RGS13: variants seen among roughly 807,000 people sequenced by gnomAD.
RGS13 encodes the protein regulator of G-protein signalling 13.
Under a neutral mutation model 19.9 loss-of-function variants are expected in RGS13, and 14 were observed. The ratio of observed to expected loss-of-function variants is 0.70; its 90% CI spans 0.46 to 1.10. RGS13 has a LOEUF of 1.10. Ranked by LOEUF, RGS13 falls within the 50% of genes least tolerant of loss-of-function variation. The pLI is 0.00. For missense variants in RGS13, 205 were observed against 187.1 expected, an observed-to-expected ratio of 1.10 and a Z score of -0.56; for synonymous variants, 60 against 56.8, an observed-to-expected ratio of 1.06 and a Z score of -0.25.
At chr1:192,653,292 C>T (rs192767682) in intron 5 of RGS13, among the ~76,000 whole-genome samples, 1 of 152,150 alleles carries the variant, frequency 6.6e-6, no homozygotes, top group East Asian at 1.9e-4. Context: ...TTTAAAAATA[C>T]ATATTTAAAC....
At chr1:192,641,419 G>C (rs556939810) in intron 3 of RGS13, among the ~76,000 whole-genome samples, 1 of 151,822 alleles carries the variant, frequency 6.6e-6, no homozygotes, top group African/African-American at 2.4e-5. Flanking sequence ...GAGAGGGAAG[G>C]AGGGCAAACA....
At chr1:192,652,047 G>A (rs777323527) in intron 5 of RGS13, among the ~76,000 whole-genome samples, 8 of 152,050 alleles carry the variant, frequency 5.3e-5, no homozygotes, top group African/African-American at 9.6e-5. Context: ...AAGCCATTCC[G>A]GATAAGCAAG....
At position 192,659,355 on chromosome 1, in the gene RGS13, G is replaced by C. The variant is rs149936703; in HGVS notation, c.312G>C (p.Ser104=). Residue 104 remains serine (S), a synonymous_variant, in exon 7 of 7, where the codon TCG becomes TCC. Transcript: ENST00000391995. ...QSPREINIDS[S]TRETIIRNIQ... is the part of the protein sequence containing the mutation. ...CTTTTCAGATTAACATTGACAGTTCGACAAGAGAGACTATCATCAGGAACA... is the reference window on the plus strand; with the variant it reads ...CTTTTCAGATTAACATTGACAGTTCCACAAGAGAGACTATCATCAGGAACA... 1.1e-5 allele frequency: 18 copies of C among 1,610,956 alleles called. No homozygotes were observed. Among genetic ancestry groups the C allele is most frequent in the Non-Finnish European group, 1.4e-5 (17 of 1,178,834 alleles).
chr1:192,651,002 A>G (rs774152699), intron 5 of RGS13, among the ~76,000 whole-genome samples: 5 of 152,056 alleles, frequency 3.3e-5, no homozygotes, highest in African/African-American at 7.2e-5. Flanking sequence ...ATGCTAACAA[A>G]AGTCACAGGG....
intron 3 of RGS13, among the ~76,000 whole-genome samples, chr1:192,641,240 GAAAGA>G (rs201968246): frequency 0.029 from 2,583 of 90,274 alleles, 63 homozygotes; most frequent in East Asian, 0.039. Context: ...AAGAAAGAAA[GAAAGA>G]AAAGAAAGAA....
chr1:192,641,349 A>AAG lies in RGS13; in HGVS notation c.-4-2971_-4-2970dup, dbSNP rs763600403. 1.4e-4 allele frequency among the ~76,000 whole-genome samples: 21 copies of AAG among 151,010 alleles called. 1 individual carries two copies. The South Asian group carries it at 1.9e-3, about 14-fold the overall frequency. The stretch of plus-strand genomic sequence containing the variant: ...GAGGGAGGAAGGAAGGAGAGAAAGA[A>AAG]AGAGAGAGAGAGGGGAAAAGGGAGG... On this transcript the variant is annotated intron_variant, in intron 3 of 6. Transcript: ENST00000391995.
At chr1:192,659,296 A>G in intron 6 of RGS13, 42 bp from the exon 7 acceptor site, 2 of 1,490,368 alleles carry the variant, frequency 1.3e-6, no homozygotes, top group South Asian at 2.5e-5. Flanking sequence ...CTTTTTTTCA[A>G]CTATGCTAAC....
chr1:192,659,905 C>A lies in RGS13; in HGVS notation c.*382C>A, dbSNP rs899268970. On this transcript the variant is annotated 3_prime_UTR_variant, in exon 7 of 7. Transcript: ENST00000391995. ...GTTGTTATATGAATTGTGTTTCTAGCATGAATGTTCTATAGAGTACTCTAA... is the reference window on the plus strand; with the variant it reads ...GTTGTTATATGAATTGTGTTTCTAGAATGAATGTTCTATAGAGTACTCTAA... 3.9e-5 allele frequency: 7 copies of A among 179,756 alleles called. No homozygotes were observed. Among genetic ancestry groups the A allele is most frequent in the Non-Finnish European group, 3.4e-5 (3 of 87,294 alleles). 11.1% of individuals were successfully genotyped at this position (179,756 alleles called of 1,614,324 possible). A position where few individuals can be genotyped will look rare whatever the true frequency, so the allele number is the denominator to read the frequency against.
At chr1:192,645,986 A>T (rs929411239) in intron 4 of RGS13, 2 of 152,154 alleles carry the variant, frequency 1.3e-5, no homozygotes, top group African/African-American at 2.4e-5. Context: ...TAGAACGGAC[A>T]GGCATTCAAT....
rs201446995 is a variant in RGS13, at chr1:192,648,008, A to C, written c.127+21A>C. 5.8e-4 allele frequency: 892 copies of C among 1,536,168 alleles called. 2 individuals carry two copies. The highest frequency in any genetic ancestry group is 7.4e-4 in the Non-Finnish European group (827 of 1,120,704). On this transcript the variant is annotated intron_variant, in intron 5 of 6. Transcript: ENST00000391995. The stretch of plus-strand genomic sequence containing the variant: ...AAAATGTGAGTATTGCGTATCTGTC[A>C]TCTTTGAATAACTAGCGAGTTCCAT...
chr1:192,651,353 A>G (rs4658067), intron 5 of RGS13, among the ~76,000 whole-genome samples: 12,410 of 152,152 alleles, frequency 0.082, 1,020 homozygotes, highest in African/African-American at 0.2. Context: ...CAGAGGAAGC[A>G]ATACACAGCA....
chr1:192,643,305 CT>C (rs1399517806), intron 3 of RGS13, among the ~76,000 whole-genome samples: 1 of 152,142 alleles, frequency 6.6e-6, no homozygotes, highest in African/African-American at 2.4e-5. Flanking sequence ...TAAAAATTCA[CT>C]GTTTATCCTT....
intron 3 of RGS13, among the ~76,000 whole-genome samples, chr1:192,638,739 G>T (rs1353668550): frequency 6.6e-6 from 1 of 151,726 alleles, no homozygotes; most frequent in East Asian, 1.9e-4. Flanking sequence ...CAACTCTTAG[G>T]GTCTATTTAT....
intron 5 of RGS13, 126 bp downstream of exon 5, chr1:192,648,113 G>C: frequency 1.9e-6 from 1 of 525,260 alleles, no homozygotes; most frequent in Non-Finnish European, 3.3e-6. Context: ...AACTGACACA[G>C]TTAAAAAAAG....
chr1:192,643,132 G>A (rs2102030489), intron 3 of RGS13, among the ~76,000 whole-genome samples: 1 of 152,182 alleles, frequency 6.6e-6, no homozygotes, highest in South Asian at 2.1e-4. Context: ...AAATTGCTGA[G>A]ATTACAGGTA....
At chr1:192,641,302 G>GAA (rs778782848) in intron 3 of RGS13, among the ~76,000 whole-genome samples, 1 of 125,214 alleles carries the variant, frequency 8.0e-6, no homozygotes, top group Non-Finnish European at 1.8e-5. Context: ...AAGAAAGAAA[G>GAA]AAAGAAAAGA....
At chr1:192,641,637 A>T (rs1358510902) in intron 3 of RGS13, among the ~76,000 whole-genome samples, 1 of 151,860 alleles carries the variant, frequency 6.6e-6, no homozygotes, top group Non-Finnish European at 1.5e-5. Context: ...TTTTTGATAA[A>T]CTCATTCCTT....
intron 5 of RGS13, among the ~76,000 whole-genome samples, chr1:192,652,365 C>G (rs1208070365): frequency 6.6e-6 from 1 of 152,020 alleles, no homozygotes; most frequent in African/African-American, 2.4e-5. Flanking sequence ...TTCATCTGTG[C>G]AAGCTCCTTT....
chr1:192,649,618 A>T (rs1663300115), intron 5 of RGS13, among the ~76,000 whole-genome samples: 1 of 152,104 alleles, frequency 6.6e-6, no homozygotes, highest in Admixed American at 6.6e-5. Flanking sequence ...TCTACACCCT[A>T]ACCCAAAACA....
Sources: gnomAD v4.1 joint callset for allele counts (sites outside exome capture counted in the v4.1 genomes callset) on GRCh38, gnomAD v4.1.1 for gene constraint, MANE v1.5 for transcripts, NCBI Gene and HGNC (gene_info 2026-07-23, HGNC 2026-07-21) for gene names.